The following PAK5 variants were observed in gnomAD, a reference collection of about 807,000 sequenced individuals.
PAK5 encodes p21 (RAC1) activated kinase 5.
Under a neutral mutation model 65.9 loss-of-function variants are expected in PAK5, and 16 were observed. The observed-to-expected ratio is 0.24, with a 90% CI of 0.16 to 0.37. The LOEUF is 0.37. Among genes scored for constraint, PAK5 ranks in the 10% least tolerant of loss-of-function variants. The pLI is 1.00. For missense variants in PAK5, 785 were observed against 903.9 expected, an observed-to-expected ratio of 0.87 and a Z score of 1.69; for synonymous variants, 371 against 354.9, an observed-to-expected ratio of 1.05 and a Z score of -0.51.
chr20:9,710,181 G>A (rs978949820), intron 2 of PAK5, among the ~76,000 whole-genome samples: 2 of 152,054 alleles, frequency 1.3e-5, no homozygotes, highest in Non-Finnish European at 2.9e-5. Flanking sequence ...TCAGTGGCTT[G>A]AGCAACAATG....
chr20:9,557,268 C>A (rs568664792), intron 7 of PAK5, among the ~76,000 whole-genome samples: 4 of 152,298 alleles, frequency 2.6e-5, no homozygotes, highest in African/African-American at 9.6e-5. Flanking sequence ...CACATGTATT[C>A]ATGTGAATAG....
intron 1 of PAK5, among the ~76,000 whole-genome samples, chr20:9,753,182 G>A (rs572193061): frequency 2.0e-5 from 3 of 152,242 alleles, no homozygotes; most frequent in South Asian, 2.1e-4. Context: ...TGACATAAAT[G>A]CTTGTTCTAA....
intron 1 of PAK5, among the ~76,000 whole-genome samples, chr20:9,781,027 G>C (rs1308896333): frequency 6.6e-6 from 1 of 152,046 alleles, no homozygotes; most frequent in Non-Finnish European, 1.5e-5. Context: ...CTCAGGAATA[G>C]AGAAAAATAT....
intron 1 of PAK5, among the ~76,000 whole-genome samples, chr20:9,740,902 T>C (rs62192883): frequency 0.18 from 26,942 of 152,200 alleles, 2,644 homozygotes; most frequent in South Asian, 0.33. Context: ...TCTGAAATGA[T>C]TGGAAATGAA....
At chr20:9,797,386 T>C (rs1019397409) in intron 1 of PAK5, among the ~76,000 whole-genome samples, 1 of 151,260 alleles carries the variant, frequency 6.6e-6, no homozygotes, top group Non-Finnish European at 1.5e-5. Flanking sequence ...CTCAGCAAAC[T>C]ATCGCAAGGA....
intron 2 of PAK5, among the ~76,000 whole-genome samples, chr20:9,707,095 T>A (rs1475405039): frequency 9.2e-5 from 14 of 152,150 alleles, no homozygotes; most frequent in Middle Eastern, 3.2e-3. Context: ...TTTAAATACA[T>A]ACTATCCTGC....
chr20:9,734,809 A>G (rs1027534982), intron 1 of PAK5, among the ~76,000 whole-genome samples: 1 of 152,192 alleles, frequency 6.6e-6, no homozygotes, highest in Non-Finnish European at 1.5e-5. Flanking sequence ...GCAGAAACGA[A>G]GGAAGAGACA....
chr20:9,735,087 T>C (rs1051274685), intron 1 of PAK5, among the ~76,000 whole-genome samples: 1 of 152,154 alleles, frequency 6.6e-6, no homozygotes, highest in African/African-American at 2.4e-5. Flanking sequence ...CAATTGGTTG[T>C]AGACACTTTC....
At position 9,548,369 on chromosome 20, in the gene PAK5, T is replaced by TC. The variant is rs1045519727; in HGVS notation, c.1744-3876_1744-3875insG. The stretch of plus-strand genomic sequence containing the variant: ...TCAGGAGCCCACGTTGATCACTCTC[T>TC]TTTTTTTTTTAATTTATTATTATTA... On this transcript the variant is annotated intron_variant, in intron 7 of 9. Transcript: ENST00000353224. Among the ~76,000 whole-genome samples, 15 of 114,296 alleles carry TC rather than the reference T, an allele frequency of 1.3e-4. No homozygotes were observed. In the East Asian group the frequency reaches 2.4e-3, roughly 19 times the overall value. 75.0% of individuals were successfully genotyped at this position (114,296 alleles called of 152,430 possible). A position where few individuals can be genotyped will look rare whatever the true frequency, so the allele number is the denominator to read the frequency against.
At chr20:9,616,545 T>C (rs2046659658) in intron 3 of PAK5, among the ~76,000 whole-genome samples, 1 of 152,204 alleles carries the variant, frequency 6.6e-6, no homozygotes, top group South Asian at 2.1e-4. Flanking sequence ...CCGGGCATCT[T>C]GCGAAAATAG....
At chr20:9,806,453 T>C (rs1235377114) in intron 1 of PAK5, among the ~76,000 whole-genome samples, 1 of 152,188 alleles carries the variant, frequency 6.6e-6, no homozygotes, top group Non-Finnish European at 1.5e-5. Context: ...AAGTCACCTC[T>C]TTGAGAACCC....
intron 2 of PAK5, among the ~76,000 whole-genome samples, chr20:9,675,875 G>A (rs1453311917): frequency 6.7e-6 from 1 of 150,150 alleles, no homozygotes; most frequent in African/African-American, 2.5e-5. Flanking sequence ...AACTTGTTAT[G>A]AGCAATGTTT....
At chr20:9,659,032 T>C (rs1362036388) in intron 2 of PAK5, among the ~76,000 whole-genome samples, 1 of 152,188 alleles carries the variant, frequency 6.6e-6, no homozygotes, top group East Asian at 1.9e-4. Flanking sequence ...TAATTGGGTA[T>C]AAAGACTTTA....
chr20:9,616,083 C>T (rs1459631741), intron 3 of PAK5, among the ~76,000 whole-genome samples: 1 of 152,174 alleles, frequency 6.6e-6, no homozygotes, highest in Admixed American at 6.5e-5. Context: ...GTAGACACCA[C>T]CTCTGATGGG....
At chr20:9,688,171 G>GA (rs1314598021) in intron 2 of PAK5, among the ~76,000 whole-genome samples, 1 of 152,076 alleles carries the variant, frequency 6.6e-6, no homozygotes, top group East Asian at 1.9e-4. Flanking sequence ...GGTACAGGGT[G>GA]AAAATGCAGA....
chr20:9,749,359 T>C (rs545491195), intron 1 of PAK5, among the ~76,000 whole-genome samples: 3 of 152,288 alleles, frequency 2.0e-5, no homozygotes, highest in South Asian at 4.1e-4. Flanking sequence ...TAATAATCTA[T>C]AATTCTTATA....
At chr20:9,744,701 A>T (rs1173159315) in intron 1 of PAK5, among the ~76,000 whole-genome samples, 1 of 152,190 alleles carries the variant, frequency 6.6e-6, no homozygotes, top group African/African-American at 2.4e-5. Context: ...AGCTTGAATG[A>T]TGTTCCACAC....
chr20:9,587,779 A>G (rs1330626289), intron 3 of PAK5, among the ~76,000 whole-genome samples: 2 of 152,070 alleles, frequency 1.3e-5, no homozygotes, highest in East Asian at 3.9e-4. Flanking sequence ...CATTTTCTAG[A>G]TCTTCTACAA....
chr20:9,793,808 C>T (rs558757508), intron 1 of PAK5, among the ~76,000 whole-genome samples: 2 of 152,050 alleles, frequency 1.3e-5, no homozygotes, highest in South Asian at 4.2e-4. Context: ...ACCATTTGAC[C>T]CAGAAATCCC....
Sources: allele counts gnomAD v4.1 joint callset (sites outside exome capture counted in the v4.1 genomes callset), GRCh38; gene constraint gnomAD v4.1.1; transcripts MANE v1.5; gene names NCBI Gene and HGNC (gene_info 2026-07-23, HGNC 2026-07-21).